CNBD1: variants seen among roughly 807,000 people sequenced by gnomAD.
CNBD1 encodes cyclic nucleotide-binding domain-containing protein 1.
A neutral mutation model predicts 54.4 loss-of-function variants in CNBD1; 71 were observed. The observed-to-expected ratio is 1.30, with a 90% CI of 1.08 to 1.59. CNBD1 has a LOEUF of 1.59. CNBD1 is among the 40% of genes most tolerant of loss of function. The probability of loss-of-function intolerance (pLI) is 0.00; values close to 1 mark genes in which losing one functional copy is unlikely to be tolerated. For missense variants in CNBD1, 659 were observed against 518.0 expected, an observed-to-expected ratio of 1.27 and a Z score of -2.64; for synonymous variants, 182 against 170.7, an observed-to-expected ratio of 1.07 and a Z score of -0.51.
intron 4 of CNBD1, among the ~76,000 whole-genome samples, chr8:87,063,687 A>C (rs575794938): frequency 6.6e-6 from 1 of 152,050 alleles, no homozygotes; most frequent in Non-Finnish European, 1.5e-5. Flanking sequence ...TATTATCTAT[A>C]TATTTATTTG....
In CNBD1 at chr8:87,163,612, TA is replaced by T. The variant is rs992940578; in HGVS notation, c.432-42380del. 9.9e-5 allele frequency among the ~76,000 whole-genome samples: 15 copies of T among 152,034 alleles called. No individual in the cohort carries two copies. Among genetic ancestry groups the T allele is most frequent in the African/African-American group, 3.6e-4 (15 of 41,548 alleles). On this transcript the variant is annotated intron_variant, in intron 4 of 10. Coordinates refer to ENST00000518476, the MANE Select transcript of CNBD1 (RefSeq NM_173538.3). This position sits in a 1 kb window ranked among gnomAD's most constrained non-coding sequence, Gnocchi z 4.5. ...TTTTTTAAAATTTCTTTTTTTCAGATATTTTGTTAGTGTATGAAAATGCAAC... is the reference window on the plus strand; with the variant it reads ...TTTTTTAAAATTTCTTTTTTTCAGATTTTTGTTAGTGTATGAAAATGCAAC...
chr8:87,327,710 C>T (rs913177141), intron 8 of CNBD1, among the ~76,000 whole-genome samples: 1 of 152,228 alleles, frequency 6.6e-6, no homozygotes, highest in Middle Eastern at 3.4e-3. Context: ...TCTGGCACTT[C>T]CTAGTGAGAT....
chr8:87,250,559 T>C (rs1807894845), intron 6 of CNBD1, among the ~76,000 whole-genome samples: 2 of 152,298 alleles, frequency 1.3e-5, no homozygotes, highest in South Asian at 2.1e-4. Context: ...ATAGCCAAGA[T>C]ATGGGAGCAA....
Position 87,006,599 on chromosome 8 carries a change from G to C in CNBD1, c.431+66845G>C, listed in dbSNP as rs558739890. 2.0e-4 allele frequency among the ~76,000 whole-genome samples: 30 copies of C among 152,150 alleles called. No individual in the cohort carries two copies. The South Asian group carries it at 5.4e-3, about 27-fold the overall frequency. ...GGTCAAAGCAGGAGTGAGAGAGTAG[G>C]GGGTAAGAGAGGTAGGTGCCACACA... is the stretch of plus-strand genomic sequence containing the variant. On this transcript the variant is annotated intron_variant, in intron 4 of 10. Coordinates refer to ENST00000518476, the MANE Select transcript of CNBD1 (RefSeq NM_173538.3).
chr8:87,263,057 T>C (rs1339179781), intron 6 of CNBD1, among the ~76,000 whole-genome samples: 1 of 152,072 alleles, frequency 6.6e-6, no homozygotes, highest in East Asian at 1.9e-4. Flanking sequence ...CTTCCTAGGG[T>C]TAGTGGAGCT....
intron 2 of CNBD1, among the ~76,000 whole-genome samples, chr8:86,888,927 A>T (rs148835447): frequency 1.9e-3 from 287 of 152,200 alleles, no homozygotes; most frequent in African/African-American, 6.5e-3. Context: ...CTCTCAAAGT[A>T]TCCCCTCTAA....
chr8:87,215,336 C>T (rs1464645748), intron 5 of CNBD1, among the ~76,000 whole-genome samples: 4 of 152,062 alleles, frequency 2.6e-5, no homozygotes, highest in African/African-American at 9.7e-5. Flanking sequence ...AGGTAAGGGA[C>T]ATTATTGCTG....
chr8:87,275,369 A>C (rs1338794742), intron 6 of CNBD1, among the ~76,000 whole-genome samples: 1 of 151,620 alleles, frequency 6.6e-6, no homozygotes, highest in Non-Finnish European at 1.5e-5. Flanking sequence ...CTTGGGCAGT[A>C]TGGCCATTTT....
chr8:87,301,459 C>T (rs1351449807), intron 8 of CNBD1, among the ~76,000 whole-genome samples: 1 of 143,602 alleles, frequency 7.0e-6, no homozygotes, highest in Non-Finnish European at 1.6e-5. Context: ...AAAATATTTG[C>T]TAACTAAATC....
At chr8:87,076,999 T>C (rs1287530324) in intron 4 of CNBD1, among the ~76,000 whole-genome samples, 2 of 152,212 alleles carry the variant, frequency 1.3e-5, no homozygotes, top group South Asian at 4.1e-4. Context: ...TATTTGCTTG[T>C]TGAAAATATC....
At chr8:87,416,940 C>A (rs1442955385) in intron 2 of CNBD1, among the ~76,000 whole-genome samples, 1 of 151,882 alleles carries the variant, frequency 6.6e-6, no homozygotes, top group African/African-American at 2.4e-5. Flanking sequence ...GAATTTATCC[C>A]AGAAATGCAG....
intron 5 of CNBD1, among the ~76,000 whole-genome samples, chr8:87,225,663 TG>T (rs1296474516): frequency 6.6e-6 from 1 of 152,212 alleles, no homozygotes; most frequent in East Asian, 1.9e-4. Flanking sequence ...TGAGGATTTT[TG>T]CATCAATGTT....
At chr8:87,380,421 T>C (rs1011413445) in intron 10 of CNBD1, among the ~76,000 whole-genome samples, 3 of 151,990 alleles carry the variant, frequency 2.0e-5, no homozygotes, top group Admixed American at 2.0e-4. Flanking sequence ...TTACTGTAGC[T>C]TTGTAAGGTA....
At chr8:87,142,916 G>GAGT (rs1296650511) in intron 4 of CNBD1, among the ~76,000 whole-genome samples, 2 of 149,660 alleles carry the variant, frequency 1.3e-5, no homozygotes, top group Non-Finnish European at 3.0e-5. Context: ...TTGAGTTTCT[G>GAGT]TTAGGTAGCA....
At chr8:87,011,630 C>A (rs1475463683) in intron 4 of CNBD1, among the ~76,000 whole-genome samples, 1 of 151,974 alleles carries the variant, frequency 6.6e-6, no homozygotes, top group Non-Finnish European at 1.5e-5. Flanking sequence ...TGAATTAAAT[C>A]TTTATTTTAT....
chr8:87,102,578 A>T (rs576695276), intron 4 of CNBD1, among the ~76,000 whole-genome samples: 1 of 152,248 alleles, frequency 6.6e-6, no homozygotes, highest in African/African-American at 2.4e-5. Context: ...GACATTTGAA[A>T]GACATTTGGA....
At chr8:87,388,272 T>A (rs112181951) in intron 2 of CNBD1, among the ~76,000 whole-genome samples, 2,728 of 151,380 alleles carry the variant, frequency 0.018, 90 homozygotes, top group African/African-American at 0.059. Flanking sequence ...ACTGAAGGAA[T>A]TAGAGACACA....
intron 1 of CNBD1, 107 bp from the exon 2 acceptor site, chr8:86,887,435 C>A: frequency 1.5e-6 from 1 of 685,674 alleles, no homozygotes; most frequent in Non-Finnish European, 2.5e-6. Context: ...CTTCCATAGT[C>A]ACTGAATTCT....
chr8:86,961,879 T>C (rs1023706502), intron 4 of CNBD1, among the ~76,000 whole-genome samples: 9 of 152,124 alleles, frequency 5.9e-5, no homozygotes, highest in African/African-American at 2.2e-4. Context: ...ACATAACACA[T>C]GTGTAACTAC....
Sources: gnomAD v4.1 joint callset for allele counts (sites outside exome capture counted in the v4.1 genomes callset) on GRCh38, gnomAD v4.1.1 for gene constraint, Gnocchi (gnomAD v3.1) non-coding constraint, MANE v1.5 for transcripts, NCBI Gene and HGNC (gene_info 2026-07-23, HGNC 2026-07-21) for gene names.